PDGFB: variants seen among roughly 807,000 people sequenced by gnomAD.
PDGFB encodes platelet-derived growth factor subunit B.
A neutral mutation model predicts 29.0 loss-of-function variants in PDGFB; 6 were observed. That is an observed-to-expected ratio of 0.21 (90% CI 0.11 to 0.41). The LOEUF is 0.41. PDGFB is among the 10% of genes least tolerant of loss of function. The pLI, the probability that PDGFB is intolerant of heterozygous loss-of-function variation, is 1.00. For missense variants in PDGFB, 299 were observed against 341.8 expected, an observed-to-expected ratio of 0.87 and a Z score of 0.99; for synonymous variants, 144 against 140.8, an observed-to-expected ratio of 1.02 and a Z score of -0.16.
intron 1 of PDGFB, among the ~76,000 whole-genome samples, chr22:39,241,780 A>G (rs1315718751): frequency 1.3e-5 from 2 of 152,106 alleles, no homozygotes; most frequent in Non-Finnish European, 2.9e-5. Context: ...GCTTATGTGA[A>G]GGGGGAATCG....
At position 39,230,235 on chromosome 22, in the gene PDGFB, G is replaced by C. The variant is rs1932266319; in HGVS notation, c.457-7C>G. ...CAATCTCGATCTTTCTCACCTGGAG[G>C]ACAGAGCCACAAAATGCCTCTGTAG... On this transcript the variant is annotated splice_polypyrimidine_tract_variant and splice_region_variant and intron_variant, in intron 4 of 6. Transcript: ENST00000331163. 6.2e-7 allele frequency: 1 copy of C among 1,613,474 alleles called. No homozygotes were observed. The highest frequency in any genetic ancestry group is 1.3e-5 in the African/African-American group (1 of 75,060).
intron 1 of PDGFB, among the ~76,000 whole-genome samples, chr22:39,237,384 C>T (rs1218552030): frequency 6.6e-6 from 1 of 152,176 alleles, no homozygotes; most frequent in African/African-American, 2.4e-5. Context: ...GAGCTTACAA[C>T]TCCGCCCAAT....
rs759500840 is a variant in PDGFB at position 39,225,705 on chromosome 22, AC to A, written c.*17del. 1.9e-6 allele frequency: 3 copies of A among 1,607,128 alleles called. No individual in the cohort carries two copies. The African/African-American group carries it at 4.1e-5, about 22-fold the overall frequency. On this transcript the variant is annotated 3_prime_UTR_variant, in exon 6 of 7. Transcript: ENST00000331163. Reference sequence around the variant, plus strand: ...CCGCCTGGCCCTCACCTGCCCACACACTCTCCTGCCGATGCCCCTAGGCTCC... The same window carrying A: ...CCGCCTGGCCCTCACCTGCCCACACATCTCCTGCCGATGCCCCTAGGCTCC...
chr22:39,231,583 C>G lies in PDGFB; in HGVS notation c.456+39G>C, dbSNP rs1467418564. The stretch of plus-strand genomic sequence containing the variant: ...CCCCAGAAGGGTGGTCTCCACCCAC[C>G]ACCGGGACCAGCCTCGGGGGGCCGC... On this transcript the variant is annotated intron_variant, in intron 4 of 6. Transcript: ENST00000331163. The surrounding 1 kb of genome is among the most constrained non-coding windows in gnomAD (Gnocchi z 4.3). The G allele has an allele frequency of 6.8e-7, 1 of 1,466,422 alleles. No individual in the cohort carries two copies. 90.8% of individuals were successfully genotyped at this position (1,466,422 alleles called of 1,614,324 possible). A position where few individuals can be genotyped will look rare whatever the true frequency, so the allele number is the denominator to read the frequency against.
Position 39,224,468 on chromosome 22 carries a change from C to T in PDGFB, c.*874G>A, listed in dbSNP as rs1932117609. 6.6e-6 allele frequency: 1 copy of T among 152,480 alleles called. No individual in the cohort carries two copies. The highest frequency in any genetic ancestry group is 6.6e-5 in the Admixed American group (1 of 15,238). 9.4% of individuals were successfully genotyped at this position (152,480 alleles called of 1,614,324 possible). On this transcript the variant is annotated 3_prime_UTR_variant, in exon 7 of 7. Transcript: ENST00000331163. ...GAGGAGTGACTGGGATCATCTGGGG[C>T]CTTAATAAGGGGTTCAAGAGCCCCT...
rs979718439 is a variant in PDGFB, at chr22:39,243,799, T to C, written c.63+102A>G. ...AGCGCCCGGCGTCAGGCTCGCGGGC[T>C]GCAAGGGTCCAAAGTTCACTGCAGG... On this transcript the variant is annotated intron_variant, in intron 1 of 6. Transcript: ENST00000331163. The surrounding 1 kb of genome is among the most constrained non-coding windows in gnomAD (Gnocchi z 6.4). 6.5e-6 allele frequency: 6 copies of C among 916,148 alleles called. No homozygotes were observed. Among genetic ancestry groups the C allele is most frequent in the African/African-American group, 1.7e-5 (1 of 58,224 alleles). The allele number at this position is 916,148 out of a possible 1,614,324, so 56.8% of individuals were successfully genotyped here.
chr22:39,235,772 A>G lies in PDGFB; in HGVS notation c.160+6T>C. 6.2e-7 allele frequency: 1 copy of G among 1,608,954 alleles called. No homozygotes were observed. The highest frequency in any genetic ancestry group is 8.5e-7 in the Non-Finnish European group (1 of 1,175,460). On this transcript the variant is annotated splice_donor_region_variant and intron_variant, in intron 2 of 6. Coordinates refer to ENST00000331163, the MANE Select transcript of PDGFB (RefSeq NM_002608.4). Reference sequence around the variant, plus strand: ...GGCCGGAGCGCGGGGCGAGGATTCCATTTACCTCCGGGGTCTCCGTGCAGC... The same window carrying G: ...GGCCGGAGCGCGGGGCGAGGATTCCGTTTACCTCCGGGGTCTCCGTGCAGC...
In PDGFB at chr22:39,243,786, CAGGCTCGCGGGCTGCA is replaced by C; in HGVS notation, c.63+99_63+114del. On this transcript the variant is annotated intron_variant, in intron 1 of 6. Coordinates refer to ENST00000331163, the MANE Select transcript of PDGFB (RefSeq NM_002608.4). The surrounding 1 kb of genome is among the most constrained non-coding windows in gnomAD (Gnocchi z 6.4). ...GAAGAGGTCACCCAGCGCCCGGCGTCAGGCTCGCGGGCTGCAAGGGTCCAAAGTTCACTGCAGGGAG... is the reference window on the plus strand; with the variant it reads ...GAAGAGGTCACCCAGCGCCCGGCGTCAGGGTCCAAAGTTCACTGCAGGGAG... 1 of 767,648 alleles carries C rather than the reference CAGGCTCGCGGGCTGCA, an allele frequency of 1.3e-6. No homozygotes were observed. Among genetic ancestry groups the C allele is most frequent in the Non-Finnish European group, 2.0e-6 (1 of 490,310 alleles). 47.6% of individuals were successfully genotyped at this position (767,648 alleles called of 1,614,324 possible).
chr22:39,241,839 C>A lies in PDGFB; in HGVS notation c.63+2062G>T, dbSNP rs530421847. 2.0e-5 allele frequency among the ~76,000 whole-genome samples: 3 copies of A among 152,254 alleles called. No individual in the cohort carries two copies. The East Asian group carries it at 5.8e-4, about 29-fold the overall frequency. On this transcript the variant is annotated intron_variant, in intron 1 of 6. Coordinates refer to ENST00000331163, the MANE Select transcript of PDGFB (RefSeq NM_002608.4). ...AGAGTCACATCACCACCATTTTCCA[C>A]CACGCGGAGGTGGTTGAAAAAAAGG...
rs990649165 is a variant in PDGFB at position 39,244,912 on chromosome 22, G to A, written c.-949C>T. On this transcript the variant is annotated 5_prime_UTR_variant, in exon 1 of 7. Coordinates refer to ENST00000331163, the MANE Select transcript of PDGFB (RefSeq NM_002608.4). The surrounding 1 kb of genome is among the most constrained non-coding windows in gnomAD (Gnocchi z 4.5). Reference sequence around the variant, plus strand: ...GGCGGCCGGAGGGGAGCCCTAGGGAGGCAGCGGGGGAGGCTGCGGGTGCGC... The same window carrying A: ...GGCGGCCGGAGGGGAGCCCTAGGGAAGCAGCGGGGGAGGCTGCGGGTGCGC... Among the ~76,000 whole-genome samples the A allele has an allele frequency of 5.9e-5, 9 of 151,932 alleles. No individual in the cohort carries two copies. Among genetic ancestry groups the A allele is most frequent in the African/African-American group, 2.2e-4 (9 of 41,386 alleles).
chr22:39,240,983 C>A (rs1569139936), intron 1 of PDGFB: 1 of 1,267,932 alleles, frequency 7.9e-7, no homozygotes, highest in South Asian at 1.2e-5. Flanking sequence ...ACCAGATCCT[C>A]CAAATTCTGT....
intron 1 of PDGFB, among the ~76,000 whole-genome samples, chr22:39,238,522 A>G (rs1932497440): frequency 6.6e-6 from 1 of 152,148 alleles, no homozygotes; most frequent in South Asian, 2.1e-4. Flanking sequence ...CGTATAAACT[A>G]CCAATCCTAA....
chr22:39,238,816 G>C (rs1258611714), intron 1 of PDGFB, among the ~76,000 whole-genome samples: 1 of 152,274 alleles, frequency 6.6e-6, no homozygotes, highest in East Asian at 1.9e-4. Flanking sequence ...TGGGCCCCCA[G>C]GGGACAGTGG....
intron 3 of PDGFB, among the ~76,000 whole-genome samples, chr22:39,232,126 C>G (rs1468438063): frequency 6.6e-6 from 1 of 152,252 alleles, no homozygotes; most frequent in Non-Finnish European, 1.5e-5. Flanking sequence ...TAAATGTCCG[C>G]TTCCCTCTGC....
intron 5 of PDGFB, among the ~76,000 whole-genome samples, chr22:39,226,096 T>C (rs1168082067): frequency 1.3e-5 from 2 of 152,142 alleles, no homozygotes; most frequent in Admixed American, 6.5e-5. Flanking sequence ...GCCCACCTCA[T>C]AGAACTGGTG....
chr22:39,230,043 A>C (rs758355600), intron 5 of PDGFB, 41 bp downstream of exon 5: 18 of 1,598,556 alleles, frequency 1.1e-5, no homozygotes, highest in Non-Finnish European at 1.5e-5. Flanking sequence ...CAGCTGCTGC[A>C]GGGGAAGGGG....
rs1932316408 is a variant in PDGFB at position 39,231,854 on chromosome 22, G to C, written c.251-27C>G. ...TGGGAGGAGACGAAACCTGGGTCAG[G>C]AGCGTAGGCCTGTCCAGAGTCCCCC... On this transcript the variant is annotated intron_variant, in intron 3 of 6. Coordinates refer to ENST00000331163, the MANE Select transcript of PDGFB (RefSeq NM_002608.4). The surrounding 1 kb of genome is among the most constrained non-coding windows in gnomAD (Gnocchi z 4.3). 6.3e-7 allele frequency: 1 copy of C among 1,598,936 alleles called. No individual in the cohort carries two copies. Among genetic ancestry groups the C allele is most frequent in the Admixed American group, 1.7e-5 (1 of 59,280 alleles).
chr22:39,241,720 T>C (rs1320014999), intron 1 of PDGFB, among the ~76,000 whole-genome samples: 1 of 152,028 alleles, frequency 6.6e-6, no homozygotes, highest in Non-Finnish European at 1.5e-5. Flanking sequence ...GGGAGCCCCC[T>C]CCGCGGTTGC....
In PDGFB at chr22:39,233,488, C is replaced by A; in HGVS notation, c.197G>T (p.Arg66Leu). ...DGAELDLNMT[R>L]SHSGGELESL... ...CTCCAGCTCGCCTCCAGAGTGGGAG[C>A]GGGTCATGTTCAGGTCCAACTCGGC... is the stretch of plus-strand genomic sequence containing the variant. Residue 66 changes from arginine to leucine, a missense_variant, in exon 3 of 7, where the codon CGC (arginine) becomes CTC (leucine). Transcript: ENST00000331163. 1.0e-5 allele frequency: 16 copies of A among 1,595,792 alleles called. No individual in the cohort carries two copies. The highest frequency in any genetic ancestry group is 1.2e-5 in the Non-Finnish European group (14 of 1,171,916).
Sources: allele counts gnomAD v4.1 joint callset (sites outside exome capture counted in the v4.1 genomes callset), GRCh38; gene constraint gnomAD v4.1.1; non-coding constraint Gnocchi (gnomAD v3.1); transcripts MANE v1.5; gene names NCBI Gene and HGNC (gene_info 2026-07-23, HGNC 2026-07-21).